ASTN1: variants seen among roughly 807,000 people sequenced by gnomAD.
ASTN1 encodes the protein astrotactin-1.
Under a neutral mutation model 140.7 loss-of-function variants are expected in ASTN1, and 41 were observed. The ratio of observed to expected loss-of-function variants is 0.29; its 90% CI spans 0.23 to 0.38. The LOEUF is 0.38. ASTN1 is among the 10% of genes least tolerant of loss of function. ASTN1 has a pLI of 1.00. For synonymous variants in ASTN1, 640 were observed against 652.2 expected (o/e 0.98, Z 0.29); for missense variants, 1,479 against 1,678.8 (o/e 0.88, Z 2.08).
At chr1:177,056,804 A>T (rs909588105) in intron 2 of ASTN1, among the ~76,000 whole-genome samples, 1 of 152,184 alleles carries the variant, frequency 6.6e-6, no homozygotes, top group African/African-American at 2.4e-5. Flanking sequence ...CAAGTACAAT[A>T]AGAAAATTTA....
intron 4 of ASTN1, among the ~76,000 whole-genome samples, chr1:177,030,320 TA>T (rs1676361496): frequency 6.6e-6 from 1 of 152,222 alleles, no homozygotes; most frequent in South Asian, 2.1e-4. Context: ...AATCTCTCTT[TA>T]AAAATGACAT....
rs554385601 is a variant in ASTN1, at chr1:177,121,491, A to G, written c.283+42903T>C. ...GCGGGCAAGTTACTGTCCTCTTTCTATAGATGAGAATCCTATAGGTTTCTC... is the reference window on the plus strand; with the variant it reads ...GCGGGCAAGTTACTGTCCTCTTTCTGTAGATGAGAATCCTATAGGTTTCTC... On this transcript the variant is annotated intron_variant, in intron 1 of 22. Coordinates refer to ENST00000361833, the MANE Select transcript of ASTN1 (RefSeq NM_004319.3). 6.6e-5 allele frequency among the ~76,000 whole-genome samples: 10 copies of G among 152,200 alleles called. No homozygotes were observed. The South Asian group carries it at 8.3e-4, about 13-fold the overall frequency.
intron 21 of ASTN1, among the ~76,000 whole-genome samples, chr1:176,875,034 A>G (rs7532411): frequency 0.12 from 18,658 of 152,152 alleles, 1,490 homozygotes; most frequent in African/African-American, 0.23. Context: ...AAGGCATTGA[A>G]CATATCATTA....
At chr1:176,966,629 T>A (rs978631290) in intron 8 of ASTN1, among the ~76,000 whole-genome samples, 1 of 152,154 alleles carries the variant, frequency 6.6e-6, no homozygotes, top group African/African-American at 2.4e-5. Context: ...TATAATCACT[T>A]TGAATCACCA....
chr1:177,124,440 G>A (rs1017646538), intron 1 of ASTN1, among the ~76,000 whole-genome samples: 4 of 152,170 alleles, frequency 2.6e-5, no homozygotes, highest in Non-Finnish European at 4.4e-5. Context: ...TTCTCACCAG[G>A]AGGGATGAGA....
chr1:176,952,155 G>A (rs946577734), intron 11 of ASTN1, among the ~76,000 whole-genome samples: 1 of 152,160 alleles, frequency 6.6e-6, no homozygotes, highest in Admixed American at 6.5e-5. Flanking sequence ...CAATCCTGTA[G>A]ATTTGGTGAT....
chr1:177,108,955 C>A (rs1680682794), intron 1 of ASTN1, among the ~76,000 whole-genome samples: 1 of 151,862 alleles, frequency 6.6e-6, no homozygotes, highest in East Asian at 1.9e-4. Context: ...CTGAAGAACT[C>A]TGATTTTGTA....
At chr1:176,989,151 A>G in intron 8 of ASTN1, among the ~76,000 whole-genome samples, 1 of 152,190 alleles carries the variant, frequency 6.6e-6, no homozygotes, top group East Asian at 1.9e-4. Flanking sequence ...TCGGGGAAGT[A>G]AAGTAGATTT....
Position 177,136,227 on chromosome 1 carries a change from G to A in ASTN1, c.283+28167C>T, listed in dbSNP as rs894039917. Among the ~76,000 whole-genome samples the A allele has an allele frequency of 3.9e-5, 6 of 152,266 alleles. No individual in the cohort carries two copies. In the South Asian group the frequency reaches 1.0e-3, roughly 26 times the overall value. On this transcript the variant is annotated intron_variant, in intron 1 of 22. Transcript: ENST00000361833. Reference sequence around the variant, plus strand: ...AGTGTCCTCTTGTGAACATATCCCAGCTGGATTGCCTTAGGGTCTTCAGTC... The same window carrying A: ...AGTGTCCTCTTGTGAACATATCCCAACTGGATTGCCTTAGGGTCTTCAGTC...
intron 9 of ASTN1, 147 bp from the exon 10 acceptor site, chr1:176,958,629 G>C: frequency 8.6e-7 from 1 of 1,167,802 alleles, no homozygotes; most frequent in Non-Finnish European, 1.1e-6. Flanking sequence ...CAATGACTAA[G>C]TTCTAAGGAG....
At chr1:176,936,215 G>C (rs1456750443) in intron 15 of ASTN1, 51 bp downstream of exon 15, 3 of 1,516,332 alleles carry the variant, frequency 2.0e-6, no homozygotes, top group Non-Finnish European at 2.7e-6. Flanking sequence ...CCTTGGAAAG[G>C]ACTTCTAAGT....
chr1:176,867,508 CTT>C (rs144656066), intron 22 of ASTN1, among the ~76,000 whole-genome samples: 6,611 of 152,168 alleles, frequency 0.043, 427 homozygotes, highest in African/African-American at 0.15. Flanking sequence ...GGGTTTGTCT[CTT>C]ATCAAAACTG....
chr1:176,871,672 G>C (rs886450960), intron 21 of ASTN1, among the ~76,000 whole-genome samples: 2 of 152,174 alleles, frequency 1.3e-5, no homozygotes, highest in African/African-American at 4.8e-5. Context: ...CTATGCTCCA[G>C]GCTCCTAGAG....
At chr1:177,107,767 C>T (rs955538033) in intron 1 of ASTN1, among the ~76,000 whole-genome samples, 2 of 152,148 alleles carry the variant, frequency 1.3e-5, no homozygotes, top group African/African-American at 4.8e-5. Flanking sequence ...ACTATTCCTT[C>T]CTGAACTTCT....
intron 1 of ASTN1, among the ~76,000 whole-genome samples, chr1:177,155,520 A>G (rs1207714426): frequency 6.6e-6 from 1 of 152,220 alleles, no homozygotes; most frequent in East Asian, 1.9e-4. Context: ...ACTAAAGACA[A>G]AAGAAATTGT....
chr1:177,035,546 A>C (rs1676672838), intron 2 of ASTN1, among the ~76,000 whole-genome samples: 1 of 152,256 alleles, frequency 6.6e-6, no homozygotes, highest in Non-Finnish European at 1.5e-5. Context: ...TAGTAAAAAG[A>C]CGATACTCAC....
At chr1:177,061,841 GGTAAA>G (rs1333109295) in intron 1 of ASTN1, among the ~76,000 whole-genome samples, 1 of 152,142 alleles carries the variant, frequency 6.6e-6, no homozygotes, top group Non-Finnish European at 1.5e-5. Flanking sequence ...TGCTATGACA[GGTAAA>G]GTAATGTTAT....
In ASTN1 at chr1:176,919,821, G is replaced by A. The variant is rs779410954; in HGVS notation, c.2671+14331C>T. On this transcript the variant is annotated intron_variant, in intron 16 of 22. Coordinates refer to ENST00000361833, the MANE Select transcript of ASTN1 (RefSeq NM_004319.3). Reference sequence around the variant, plus strand: ...CATATAAAGAGTGACTTTATAAGCCGCCTCTGCGGAATAAACCTGACTGAA... The same window carrying A: ...CATATAAAGAGTGACTTTATAAGCCACCTCTGCGGAATAAACCTGACTGAA... Among the ~76,000 whole-genome samples the A allele has an allele frequency of 8.6e-4, 131 of 152,334 alleles. 1 individual carries two copies. Among genetic ancestry groups the A allele is most frequent in the Middle Eastern group, 3.4e-3 (1 of 294 alleles).
At chr1:177,075,645 C>CTTTTTTTTTTTTTTTTTTTTTTT (rs5778927) in intron 1 of ASTN1, among the ~76,000 whole-genome samples, 1 of 99,540 alleles carries the variant, frequency 1.0e-5, no homozygotes, top group Non-Finnish European at 1.9e-5. Flanking sequence ...CTTTTCTTTT[C>CTTTTTTTTTTTTTTTTTTTTTTT]TTTTTTTTTT....
Sources: allele counts gnomAD v4.1 joint callset (sites outside exome capture counted in the v4.1 genomes callset), GRCh38; gene constraint gnomAD v4.1.1; transcripts MANE v1.5; gene names NCBI Gene and HGNC (gene_info 2026-07-23, HGNC 2026-07-21).